Variants in RARB observed in about 807,000 individuals in gnomAD.
RARB encodes the protein retinoic acid receptor beta.
In RARB, 17 loss-of-function variants were observed where a neutral mutation model predicts 51.9. The ratio of observed to expected loss-of-function variants is 0.33; its 90% CI spans 0.22 to 0.49. The LOEUF is 0.49. RARB is among the 20% of genes least tolerant of loss of function. The pLI is 0.99. For synonymous variants in RARB, 215 were observed against 195.4 expected (o/e 1.10, Z -0.84); for missense variants, 369 against 550.8 (o/e 0.67, Z 3.30).
intron 5 of RARB, among the ~76,000 whole-genome samples, chr3:25,296,471 A>C (rs1221543510): frequency 1.3e-5 from 2 of 152,182 alleles, no homozygotes; most frequent in Non-Finnish European, 2.9e-5. Context: ...TGTTGATTTT[A>C]ATTGTACCTA....
intron 5 of RARB, among the ~76,000 whole-genome samples, chr3:25,321,471 A>G (rs1209550466): frequency 2.0e-5 from 3 of 152,048 alleles, no homozygotes; most frequent in African/African-American, 7.2e-5. Flanking sequence ...TAATCCCAGC[A>G]CTTTGGGAGG....
At chr3:25,584,587 G>A (rs74430702) in intron 5 of RARB, among the ~76,000 whole-genome samples, 7 of 152,164 alleles carry the variant, frequency 4.6e-5, no homozygotes, top group South Asian at 2.1e-4. Context: ...AGGAAGCCCC[G>A]GCAGGTTGGA....
intron 2 of RARB, among the ~76,000 whole-genome samples, chr3:24,921,535 C>T (rs1695216158): frequency 1.3e-5 from 2 of 152,272 alleles, no homozygotes; most frequent in East Asian, 3.9e-4. Flanking sequence ...TAACCATGTG[C>T]CCTGTGTTTA....
intron 2 of RARB, among the ~76,000 whole-genome samples, chr3:24,951,845 A>G (rs115596423): frequency 0.013 from 2,040 of 152,326 alleles, 43 homozygotes; most frequent in African/African-American, 0.045. Context: ...CTTACAGGTA[A>G]CACCAGTAGG....
chr3:25,307,942 T>C (rs1364532130), intron 5 of RARB, among the ~76,000 whole-genome samples: 1 of 152,172 alleles, frequency 6.6e-6, no homozygotes, highest in Non-Finnish European at 1.5e-5. Flanking sequence ...CAGGGTTGAG[T>C]CGTTGGAATA....
At chr3:25,000,902 A>G (rs147664235) in intron 2 of RARB, among the ~76,000 whole-genome samples, 68 of 152,302 alleles carry the variant, frequency 4.5e-4, no homozygotes, top group Non-Finnish European at 8.4e-4. Context: ...GACTTTTTCA[A>G]CAGAAAAATG....
intron 2 of RARB, among the ~76,000 whole-genome samples, chr3:24,953,272 C>T (rs530290814): frequency 2.6e-5 from 4 of 151,724 alleles, no homozygotes; most frequent in South Asian, 2.1e-4. Context: ...CCAGCAGGCA[C>T]GGTGGGAGGA....
At chr3:25,422,355 G>C (rs1342172527) in intron 5 of RARB, among the ~76,000 whole-genome samples, 4 of 152,170 alleles carry the variant, frequency 2.6e-5, no homozygotes, top group African/African-American at 9.7e-5. Flanking sequence ...CTTATTGGAA[G>C]ATGTATTGAG....
chr3:25,355,257 ACCATCGG>A (rs1705698968), intron 5 of RARB, among the ~76,000 whole-genome samples: 1 of 151,568 alleles, frequency 6.6e-6, no homozygotes, highest in African/African-American at 2.4e-5. Flanking sequence ...CCTGATTGCC[ACCATCGG>A]GCTGGTTGTT....
At chr3:24,937,134 A>C (rs892162807) in intron 2 of RARB, among the ~76,000 whole-genome samples, 1 of 152,236 alleles carries the variant, frequency 6.6e-6, no homozygotes, top group Non-Finnish European at 1.5e-5. Context: ...GGCATGTCCT[A>C]GTTTTTAATA....
At chr3:25,099,323 T>G (rs1699356106) in intron 3 of RARB, among the ~76,000 whole-genome samples, 1 of 152,122 alleles carries the variant, frequency 6.6e-6, no homozygotes, top group African/African-American at 2.4e-5. Flanking sequence ...TTGAGGACAT[T>G]TATAGGATTT....
At chr3:25,302,022 A>G (rs950806758) in intron 5 of RARB, among the ~76,000 whole-genome samples, 2 of 152,174 alleles carry the variant, frequency 1.3e-5, no homozygotes, top group African/African-American at 4.8e-5. Flanking sequence ...TCCTCACACT[A>G]AGTTCACGTT....
chr3:25,570,657 C>T (rs1462062764), intron 4 of RARB, among the ~76,000 whole-genome samples: 1 of 152,126 alleles, frequency 6.6e-6, no homozygotes, highest in African/African-American at 2.4e-5. Context: ...TCATGAGGTG[C>T]TTTAATTTTT....
intron 5 of RARB, among the ~76,000 whole-genome samples, chr3:25,320,480 G>A (rs1462948989): frequency 1.3e-5 from 2 of 152,148 alleles, no homozygotes; most frequent in Admixed American, 6.6e-5. Flanking sequence ...TTTGGCCAAT[G>A]AGAGGCCTGT....
intron 3 of RARB, among the ~76,000 whole-genome samples, chr3:25,534,017 T>C (rs1207159151): frequency 6.6e-6 from 1 of 152,238 alleles, no homozygotes; most frequent in East Asian, 1.9e-4. Flanking sequence ...TGTCTAGCAA[T>C]TTAAGAAATG....
intron 5 of RARB, among the ~76,000 whole-genome samples, chr3:25,367,087 T>C (rs1706144222): frequency 6.6e-6 from 1 of 152,188 alleles, no homozygotes; most frequent in South Asian, 2.1e-4. Flanking sequence ...CTTGTCAATC[T>C]AAACATGTGA....
At chr3:24,873,386 A>G (rs1478422786) in intron 2 of RARB, among the ~76,000 whole-genome samples, 1 of 152,072 alleles carries the variant, frequency 6.6e-6, no homozygotes, top group Non-Finnish European at 1.5e-5. Flanking sequence ...TTTTATTTAT[A>G]TTTAAATTGT....
rs138546476 is a variant in RARB at position 25,057,930 on chromosome 3, T to C, written c.-379-2195T>C. The stretch of plus-strand genomic sequence containing the variant: ...TGTATATAGAATTGTGGTACAAAGA[T>C]ATACTTCTGAACAATTATCATTGTA... On this transcript the variant is annotated intron_variant, in intron 2 of 11. Transcript: ENST00000383772. Among the ~76,000 whole-genome samples, 442 of 152,138 alleles carry C rather than the reference T, an allele frequency of 2.9e-3. 2 individuals are homozygous for C. Among genetic ancestry groups the C allele is most frequent in the African/African-American group, 8.4e-3 (350 of 41,546 alleles).
At chr3:25,574,840 A>G (rs1700859171) in intron 4 of RARB, among the ~76,000 whole-genome samples, 1 of 152,142 alleles carries the variant, frequency 6.6e-6, no homozygotes. Context: ...CATCAACCAG[A>G]GGAGCAGAAC....
Sources: gnomAD v4.1 joint callset for allele counts (sites outside exome capture counted in the v4.1 genomes callset) on GRCh38, gnomAD v4.1.1 for gene constraint, MANE v1.5 for transcripts, NCBI Gene and HGNC (gene_info 2026-07-23, HGNC 2026-07-21) for gene names.